Variants in AIDA observed in about 807,000 individuals in gnomAD.
AIDA encodes axin interactor, dorsalization associated.
A neutral mutation model predicts 42.7 loss-of-function variants in AIDA; 18 were observed. That is an observed-to-expected ratio of 0.42 (90% CI 0.29 to 0.63). The LOEUF is 0.63. AIDA is among the 20% of genes least tolerant of loss of function. The pLI, the probability that AIDA is intolerant of heterozygous loss-of-function variation, is 0.19. For synonymous variants in AIDA, 104 were observed against 122.9 expected (o/e 0.85, Z 1.02); for missense variants, 250 against 354.1 (o/e 0.71, Z 2.36).
chr1:222,672,057 T>A (rs932478176), intron 8 of AIDA, among the ~76,000 whole-genome samples: 2 of 152,176 alleles, frequency 1.3e-5, no homozygotes, highest in African/African-American at 4.8e-5. Context: ...AACAGGAATA[T>A]CCTGGGAAGA....
chr1:222,673,494 A>G, intron 7 of AIDA, 59 bp from the exon 8 acceptor site: 5 of 1,438,070 alleles, frequency 3.5e-6, no homozygotes, highest in Non-Finnish European at 3.7e-6. Context: ...TAAAAACTGC[A>G]GGCCAGGCAC....
chr1:222,694,308 C>G (rs913637330), intron 2 of AIDA, 45 bp from the exon 3 acceptor site: 4 of 1,452,688 alleles, frequency 2.8e-6, no homozygotes, highest in Middle Eastern at 1.8e-4. Context: ...ATTATCATAA[C>G]TGTTAGTTCA....
chr1:222,687,091 G>A lies in AIDA; in HGVS notation c.354-55C>T, dbSNP rs994844027. On this transcript the variant is annotated intron_variant, in intron 5 of 9. Coordinates refer to ENST00000340020, the MANE Select transcript of AIDA (RefSeq NM_022831.4). ...AAACTGCAAAACTAAATATACTAGT[G>A]AAGCCTCACAGACACTCGTTTCCCA... 5 of 1,579,572 alleles carry A rather than the reference G, an allele frequency of 3.2e-6. No individual in the cohort carries two copies. In the African/African-American group the frequency reaches 6.7e-5, roughly 21 times the overall value.
At chr1:222,687,738 T>C in intron 4 of AIDA, 80 bp from the exon 5 acceptor site, 1 of 1,097,096 alleles carries the variant, frequency 9.1e-7, no homozygotes, top group South Asian at 1.6e-5. Flanking sequence ...TAATTTTTAA[T>C]CAATTTTATT....
chr1:222,674,823 ATTGT>A (rs1664516289), intron 7 of AIDA, among the ~76,000 whole-genome samples: 1 of 152,318 alleles, frequency 6.6e-6, no homozygotes, highest in South Asian at 2.1e-4. Flanking sequence ...TAGTACATTG[ATTGT>A]TTCAGTTCTT....
At chr1:222,702,062 G>GT in intron 2 of AIDA, among the ~76,000 whole-genome samples, 1 of 151,802 alleles carries the variant, frequency 6.6e-6, no homozygotes, top group Admixed American at 6.6e-5. Context: ...AGTGATTTTT[G>GT]TTTTTTAAAT....
In AIDA at chr1:222,668,311, T is replaced by G. The variant is rs1475463188; in HGVS notation, c.*1582A>C. 7.7e-6 allele frequency: 1 copy of G among 130,378 alleles called. No individual in the cohort carries two copies. Among genetic ancestry groups the G allele is most frequent in the African/African-American group, 2.9e-5 (1 of 34,172 alleles). 8.1% of individuals were successfully genotyped at this position (130,378 alleles called of 1,614,324 possible). A position where few individuals can be genotyped will look rare whatever the true frequency, so the allele number is the denominator to read the frequency against. On this transcript the variant is annotated 3_prime_UTR_variant, in exon 10 of 10. Transcript: ENST00000340020. Reference sequence around the variant, plus strand: ...TTACATGACACGGAGAAAATGCGCCTCTTGCTCCTTGAAGAGCTTACAGTC... The same window carrying G: ...TTACATGACACGGAGAAAATGCGCCGCTTGCTCCTTGAAGAGCTTACAGTC...
chr1:222,708,725 T>C (rs943963777), intron 1 of AIDA, among the ~76,000 whole-genome samples: 3 of 152,168 alleles, frequency 2.0e-5, no homozygotes, highest in Non-Finnish European at 4.4e-5. Flanking sequence ...GGATTGATCC[T>C]GTGAAATGTC....
In AIDA at chr1:222,712,267, C is replaced by T; in HGVS notation, c.51G>A (p.Arg17=). 3 of 1,590,130 alleles carry T rather than the reference C, an allele frequency of 1.9e-6. No homozygotes were observed. Among genetic ancestry groups the T allele is most frequent in the Non-Finnish European group, 2.6e-6 (3 of 1,168,322 alleles). Residue 17 remains arginine (R), a synonymous_variant, in exon 1 of 10, where the codon AGG becomes AGA. Transcript: ENST00000340020. ...CCCAAGAGTCGAAGTCGGCGCCTCT[C>T]CTAAAACTGGCGCCCCAGCGCTGCA... ...SLLQRWGASF[R]RGADFDSWGQ...
intron 4 of AIDA, among the ~76,000 whole-genome samples, chr1:222,689,600 T>C (rs1655314537): frequency 7.0e-6 from 1 of 143,416 alleles, no homozygotes; most frequent in Non-Finnish European, 1.5e-5. Context: ...CACACATATA[T>C]ATACACACAC....
chr1:222,711,937 C>A, intron 1 of AIDA: 1 of 424,520 alleles, frequency 2.4e-6, no homozygotes, highest in East Asian at 5.4e-5. Context: ...CCTGCTGGGG[C>A]CTGCGCCCCA....
At chr1:222,711,849 CCT>C in intron 1 of AIDA, 1 of 247,500 alleles carries the variant, frequency 4.0e-6, no homozygotes, top group South Asian at 4.2e-5. Context: ...GGAAAAGCAA[CCT>C]GGGAGAGGAG....
chr1:222,691,579 C>G (rs754142155), intron 4 of AIDA, among the ~76,000 whole-genome samples: 1 of 151,416 alleles, frequency 6.6e-6, no homozygotes, highest in Non-Finnish European at 1.5e-5. Context: ...CTAAAAAGCA[C>G]TATTTTTAAA....
chr1:222,680,647 C>G (rs1664637082), intron 6 of AIDA, among the ~76,000 whole-genome samples: 1 of 152,180 alleles, frequency 6.6e-6, no homozygotes, highest in Non-Finnish European at 1.5e-5. Flanking sequence ...GTGAAAAACA[C>G]TTTATCAATG....
chr1:222,677,914 TA>T (rs200424755), intron 6 of AIDA, among the ~76,000 whole-genome samples: 3 of 151,932 alleles, frequency 2.0e-5, no homozygotes, highest in South Asian at 2.1e-4. Flanking sequence ...TGTAAGTATT[TA>T]AAAAAAAATT....
intron 1 of AIDA, among the ~76,000 whole-genome samples, chr1:222,707,054 G>A (rs1461399407): frequency 6.6e-6 from 1 of 152,038 alleles, no homozygotes; most frequent in Non-Finnish European, 1.5e-5. Flanking sequence ...TGTAACGATG[G>A]TTGCACATCT....
intron 6 of AIDA, among the ~76,000 whole-genome samples, chr1:222,681,838 G>A (rs1664659073): frequency 6.6e-6 from 1 of 152,146 alleles, no homozygotes; most frequent in Non-Finnish European, 1.5e-5. Context: ...CCACCAAGGT[G>A]TCCAGCAATC....
At chr1:222,672,346 T>C (rs572879199) in intron 8 of AIDA, among the ~76,000 whole-genome samples, 4 of 152,306 alleles carry the variant, frequency 2.6e-5, no homozygotes, top group African/African-American at 7.2e-5. Flanking sequence ...AAATCAATAG[T>C]TTTGTTCAGA....
rs936369532 is a variant in AIDA, at chr1:222,693,896, C to T, written c.235-53G>A. 9 of 1,393,608 alleles carry T rather than the reference C, an allele frequency of 6.5e-6. No homozygotes were observed. The South Asian group carries it at 1.0e-4, about 16-fold the overall frequency. 86.3% of individuals were successfully genotyped at this position (1,393,608 alleles called of 1,614,324 possible). A position where few individuals can be genotyped will look rare whatever the true frequency, so the allele number is the denominator to read the frequency against. ...TTTTCACTACAAGGATTTCACTGCA[C>T]CCTGTCTTTTAAGTGGCAAGAACCA... is the stretch of plus-strand genomic sequence containing the variant. On this transcript the variant is annotated intron_variant, in intron 3 of 9. Coordinates refer to ENST00000340020, the MANE Select transcript of AIDA (RefSeq NM_022831.4).
Sources: allele counts gnomAD v4.1 joint callset (sites outside exome capture counted in the v4.1 genomes callset), GRCh38; gene constraint gnomAD v4.1.1; transcripts MANE v1.5; gene names NCBI Gene and HGNC (gene_info 2026-07-23, HGNC 2026-07-21).